Variants in ANO3 observed in about 807,000 individuals in gnomAD.
ANO3 encodes anoctamin-3.
In ANO3, 99 loss-of-function variants were observed where a neutral mutation model predicts 144.8. The ratio of observed to expected loss-of-function variants is 0.68; its 90% CI spans 0.58 to 0.81. ANO3 has a LOEUF of 0.81. Ranked by LOEUF, ANO3 falls within the 30% of genes least tolerant of loss-of-function variation. The pLI, the probability that ANO3 is intolerant of heterozygous loss-of-function variation, is 0.00. For synonymous variants in ANO3, 414 were observed against 392.6 expected, an observed-to-expected ratio of 1.05 and a Z score of -0.64; for missense variants, 905 against 1,202.2, an observed-to-expected ratio of 0.75 and a Z score of 3.66.
At chr11:26,557,390 A>G (rs1217139285) in intron 13 of ANO3, among the ~76,000 whole-genome samples, 2 of 149,756 alleles carry the variant, frequency 1.3e-5, no homozygotes, top group African/African-American at 4.9e-5. Context: ...GAACCCAGGA[A>G]ACAGAGCTTA....
At chr11:26,331,238 G>C (rs532143247), upstream of ANO3, among the ~76,000 whole-genome samples, 11 of 152,274 alleles carry the variant, frequency 7.2e-5, no homozygotes, top group Non-Finnish European at 1.6e-4. Flanking sequence ...CTCAATACCC[G>C]GGTGATGGGG....
At chr11:26,522,109 G>A (rs1324730039) in intron 6 of ANO3, among the ~76,000 whole-genome samples, 1 of 151,940 alleles carries the variant, frequency 6.6e-6, no homozygotes. Flanking sequence ...GCGTGAACCC[G>A]GGAGGCTGAG....
chr11:26,459,017 G>T (rs1482584839), intron 3 of ANO3, among the ~76,000 whole-genome samples: 1 of 152,126 alleles, frequency 6.6e-6, no homozygotes, highest in Non-Finnish European at 1.5e-5. Flanking sequence ...ATTCTCTGAT[G>T]AGGTGACAAG....
intron 4 of ANO3, chr11:26,474,220 T>G: frequency 2.1e-6 from 1 of 473,790 alleles, no homozygotes; most frequent in South Asian, 9.0e-5. Flanking sequence ...GAAATTAATA[T>G]TGATTTCAGA....
chr11:26,544,367 T>A (rs365476), intron 11 of ANO3, among the ~76,000 whole-genome samples: 94,982 of 144,768 alleles, frequency 0.66, 31,553 homozygotes, highest in East Asian at 0.83. Flanking sequence ...ATCTCCTGTA[T>A]GGGTAGAATC....
intron 1 of ANO3, among the ~76,000 whole-genome samples, chr11:26,262,807 A>C (rs1853220937): frequency 6.6e-6 from 1 of 152,008 alleles, no homozygotes; most frequent in South Asian, 2.1e-4. Context: ...GGCTGCCTGC[A>C]AACCAGGAAG....
chr11:26,660,182 A>G, intron 26 of ANO3, 80 bp from the exon 27 acceptor site: 1 of 1,316,234 alleles, frequency 7.6e-7, no homozygotes, highest in Non-Finnish European at 1.1e-6. Flanking sequence ...GGCAAATGCA[A>G]CATTGTTCAT....
intron 1 of ANO3, among the ~76,000 whole-genome samples, chr11:26,276,436 CTT>C (rs1464972426): frequency 3.3e-5 from 5 of 152,088 alleles, no homozygotes; most frequent in African/African-American, 4.8e-5. Flanking sequence ...TTGTATAACT[CTT>C]TGCTCTTTCC....
chr11:26,356,457 T>G (rs901672477), intron 1 of ANO3, among the ~76,000 whole-genome samples: 2 of 152,224 alleles, frequency 1.3e-5, no homozygotes, highest in Non-Finnish European at 2.9e-5. Flanking sequence ...TCACTATAGA[T>G]TGCTTTGCAT....
intron 17 of ANO3, among the ~76,000 whole-genome samples, chr11:26,615,896 G>T (rs572463706): frequency 2.7e-4 from 41 of 152,096 alleles, no homozygotes; most frequent in East Asian, 3.9e-4. Context: ...TTAAATAAAT[G>T]TTTTCTATTA....
intron 24 of ANO3, among the ~76,000 whole-genome samples, chr11:26,654,331 A>G (rs1349502232): frequency 6.6e-6 from 1 of 152,118 alleles, no homozygotes; most frequent in Non-Finnish European, 1.5e-5. Context: ...GAGGTCCTAT[A>G]TGGCATTTTT....
intron 1 of ANO3, among the ~76,000 whole-genome samples, chr11:26,362,134 C>T (rs1203012977): frequency 6.6e-6 from 1 of 152,060 alleles, no homozygotes; most frequent in African/African-American, 2.4e-5. Flanking sequence ...GGTGATGGCT[C>T]TTGATGAGTG....
At chr11:26,213,696 T>C (rs1851980749) in intron 1 of ANO3, among the ~76,000 whole-genome samples, 1 of 152,038 alleles carries the variant, frequency 6.6e-6, no homozygotes, top group African/African-American at 2.4e-5. Flanking sequence ...AAAATGGCCA[T>C]AGTGCCCAAA....
intron 4 of ANO3, among the ~76,000 whole-genome samples, chr11:26,479,790 A>T (rs1283473620): frequency 6.6e-6 from 1 of 152,194 alleles, no homozygotes; most frequent in Non-Finnish European, 1.5e-5. Context: ...CATTTTTGAA[A>T]GGGAGGGTAT....
intron 1 of ANO3, among the ~76,000 whole-genome samples, chr11:26,323,272 T>A (rs1271346440): frequency 6.6e-6 from 1 of 152,006 alleles, no homozygotes; most frequent in Non-Finnish European, 1.5e-5. Context: ...GCTATTAGGG[T>A]CTTGTTTATT....
At chr11:26,366,639 G>A (rs1235344080) in intron 1 of ANO3, among the ~76,000 whole-genome samples, 2 of 152,002 alleles carry the variant, frequency 1.3e-5, no homozygotes, top group East Asian at 3.9e-4. Flanking sequence ...TCCAGCACCT[G>A]TTGTTTCCTG....
chr11:26,341,690 C>T (rs2133900766), intron 1 of ANO3, among the ~76,000 whole-genome samples: 1 of 152,264 alleles, frequency 6.6e-6, no homozygotes, highest in South Asian at 2.1e-4. Flanking sequence ...CTGCAAGTTG[C>T]AGAGCAAGGA....
intron 3 of ANO3, among the ~76,000 whole-genome samples, chr11:26,449,007 C>T (rs563490863): frequency 6.6e-6 from 1 of 152,176 alleles, no homozygotes; most frequent in Non-Finnish European, 1.5e-5. Context: ...CCCATCATTT[C>T]TGTGCTCCTG....
chr11:26,320,042 C>A (rs550321464), intron 1 of ANO3, among the ~76,000 whole-genome samples: 1 of 152,054 alleles, frequency 6.6e-6, no homozygotes, highest in Non-Finnish European at 1.5e-5. Context: ...GTGTGGCAGA[C>A]AAATCAGAGC....
Sources: gnomAD v4.1 joint callset for allele counts (sites outside exome capture counted in the v4.1 genomes callset) on GRCh38, gnomAD v4.1.1 for gene constraint, MANE v1.5 for transcripts, NCBI Gene and HGNC (gene_info 2026-07-23, HGNC 2026-07-21) for gene names.